NAV3: variants seen among roughly 807,000 people sequenced by gnomAD.
NAV3 encodes the protein pore membrane and/or filament interacting like protein 1.
NAV3 carries 87 observed loss-of-function variants against 244.7 expected under a neutral mutation model. The observed-to-expected ratio is 0.36, with a 90% CI of 0.30 to 0.42. The LOEUF (loss-of-function observed/expected upper bound fraction) is 0.42. NAV3 is among the 20% of genes least tolerant of loss of function. The pLI, the probability that NAV3 is intolerant of heterozygous loss-of-function variation, is 1.00. For missense variants in NAV3, 2,663 were observed against 2,893.3 expected, an observed-to-expected ratio of 0.92 and a Z score of 1.83; for synonymous variants, 1,126 against 1,042.2, an observed-to-expected ratio of 1.08 and a Z score of -1.55.
At chr12:77,701,445 G>C (rs1312467243) in intron 2 of NAV3, among the ~76,000 whole-genome samples, 1 of 151,730 alleles carries the variant, frequency 6.6e-6, no homozygotes, top group African/African-American at 2.4e-5. Context: ...GATCAGTCTT[G>C]CTAGAGGTTT....
chr12:77,936,194 A>C (rs73344741), intron 1 of NAV3, among the ~76,000 whole-genome samples: 2,985 of 152,280 alleles, frequency 0.02, 36 homozygotes, highest in African/African-American at 0.034. Flanking sequence ...TAGGCCCCAA[A>C]ATTCATACTG....
At chr12:77,578,032 A>T (rs1477293300) in intron 2 of NAV3, among the ~76,000 whole-genome samples, 1 of 152,198 alleles carries the variant, frequency 6.6e-6, no homozygotes, top group Admixed American at 6.5e-5. Context: ...AGGAATATGC[A>T]ATGCCTGGGA....
intron 2 of NAV3, among the ~76,000 whole-genome samples, chr12:77,588,841 C>T (rs711100): frequency 0.55 from 83,312 of 151,988 alleles, 23,315 homozygotes; most frequent in Middle Eastern, 0.74. Context: ...CAAAATTCTA[C>T]AACTTTGATT....
At chr12:78,004,870 G>C (rs1459646059) in intron 7 of NAV3, among the ~76,000 whole-genome samples, 3 of 152,196 alleles carry the variant, frequency 2.0e-5, no homozygotes, top group Non-Finnish European at 4.4e-5. Context: ...TACAGCTGCT[G>C]TTATGACTAT....
intron 9 of NAV3, among the ~76,000 whole-genome samples, chr12:78,042,170 TTCTATTA>T (rs1435673864): frequency 1.3e-5 from 2 of 152,240 alleles, no homozygotes; most frequent in Non-Finnish European, 2.9e-5. Context: ...TTCATGTTCT[TTCTATTA>T]TCTAGACTCA....
chr12:78,174,361 T>A (rs957530750), intron 24 of NAV3, among the ~76,000 whole-genome samples: 1 of 152,022 alleles, frequency 6.6e-6, no homozygotes, highest in African/African-American at 2.4e-5. Context: ...AAGCACTGCC[T>A]GCTCTTAGAA....
At chr12:77,927,252 T>C (rs1888312994) in intron 1 of NAV3, among the ~76,000 whole-genome samples, 1 of 152,226 alleles carries the variant, frequency 6.6e-6, no homozygotes, top group Non-Finnish European at 1.5e-5. Context: ...GAATTCCCCA[T>C]GGAGCTCTCT....
chr12:78,082,703 C>T (rs1953421683), intron 12 of NAV3, among the ~76,000 whole-genome samples: 1 of 152,150 alleles, frequency 6.6e-6, no homozygotes, highest in African/African-American at 2.4e-5. Context: ...ACTTATAACC[C>T]TCCAAATTCT....
At chr12:77,770,917 T>C (rs1355215407) in intron 2 of NAV3, among the ~76,000 whole-genome samples, 4 of 151,764 alleles carry the variant, frequency 2.6e-5, no homozygotes, top group Admixed American at 2.0e-4. Context: ...ACAAATGGGA[T>C]CTAATTAAAC....
intron 2 of NAV3, among the ~76,000 whole-genome samples, chr12:77,743,143 T>A (rs1217137043): frequency 6.6e-6 from 1 of 152,038 alleles, no homozygotes; most frequent in East Asian, 1.9e-4. Context: ...TCAATAAGTA[T>A]AGTACTGTAA....
intron 2 of NAV3, among the ~76,000 whole-genome samples, chr12:77,693,636 T>A (rs1043823415): frequency 6.6e-6 from 1 of 152,108 alleles, no homozygotes; most frequent in Non-Finnish European, 1.5e-5. Context: ...AAACAAATTA[T>A]TCCACCAGTT....
At chr12:78,168,342 G>A (rs551841985) in intron 23 of NAV3, among the ~76,000 whole-genome samples, 1 of 151,800 alleles carries the variant, frequency 6.6e-6, no homozygotes, top group Admixed American at 6.6e-5. Context: ...AAAACTTCAG[G>A]TTTGCAGTTG....
chr12:77,618,551 T>C (rs1871233166), intron 2 of NAV3, among the ~76,000 whole-genome samples: 1 of 152,204 alleles, frequency 6.6e-6, no homozygotes, highest in South Asian at 2.1e-4. Flanking sequence ...GTGGAAAGTA[T>C]CAAATTAAAA....
chr12:77,585,901 G>T (rs1409910156), intron 2 of NAV3, among the ~76,000 whole-genome samples: 2 of 152,190 alleles, frequency 1.3e-5, no homozygotes, highest in Non-Finnish European at 2.9e-5. Context: ...GGTGGCACAT[G>T]CCTGTAATCC....
At chr12:78,144,886 C>A (rs1298730626) in intron 20 of NAV3, among the ~76,000 whole-genome samples, 1 of 109,186 alleles carries the variant, frequency 9.2e-6, no homozygotes, top group Non-Finnish European at 1.7e-5. Context: ...CGCAGTGCAC[C>A]TGAGTGATAG....
At chr12:77,694,986 A>G (rs114649930) in intron 2 of NAV3, among the ~76,000 whole-genome samples, 1,844 of 152,326 alleles carry the variant, frequency 0.012, 44 homozygotes, top group African/African-American at 0.042. Flanking sequence ...TAATCCTTAC[A>G]CTAACAACAA....
At chr12:77,613,766 C>G (rs1871028029) in intron 2 of NAV3, among the ~76,000 whole-genome samples, 1 of 152,152 alleles carries the variant, frequency 6.6e-6, no homozygotes, top group Admixed American at 6.6e-5. Context: ...TGGCAATTTA[C>G]TGAAGTTTTG....
At position 78,100,292 on chromosome 12, in the gene NAV3, A is replaced by C. The variant is rs1211576506; in HGVS notation, c.2637-16480A>C. The stretch of plus-strand genomic sequence containing the variant: ...TAGACTTCCCTTGATACATGAAAAT[A>C]ATGGTACTAAGTACAAACAGAAGAT... On this transcript the variant is annotated intron_variant, in intron 12 of 39. Coordinates refer to ENST00000397909, the MANE Select transcript of NAV3 (RefSeq NM_001024383.2). Among the ~76,000 whole-genome samples, 3 of 151,958 alleles carry C rather than the reference A, an allele frequency of 2.0e-5. No individual in the cohort carries two copies. The East Asian group carries it at 5.8e-4, about 29-fold the overall frequency.
chr12:77,843,230 A>G (rs1395649203), intron 1 of NAV3, among the ~76,000 whole-genome samples: 2 of 152,016 alleles, frequency 1.3e-5, no homozygotes, highest in Non-Finnish European at 2.9e-5. Context: ...TACAAGGTTT[A>G]CTATTATCTC....
Sources: allele counts gnomAD v4.1 joint callset (sites outside exome capture counted in the v4.1 genomes callset), GRCh38; gene constraint gnomAD v4.1.1; transcripts MANE v1.5; gene names NCBI Gene and HGNC (gene_info 2026-07-23, HGNC 2026-07-21).